The following SLC5A8 variants were observed in gnomAD, a reference collection of about 807,000 sequenced individuals.
SLC5A8 encodes solute carrier family 5 member 8.
A neutral mutation model predicts 71.9 loss-of-function variants in SLC5A8; 55 were observed. That is an observed-to-expected ratio of 0.77 (90% CI 0.62 to 0.96). SLC5A8 has a LOEUF of 0.96. Among genes scored for constraint, SLC5A8 ranks in the 40% least tolerant of loss-of-function variants. The pLI, the probability that SLC5A8 is intolerant of heterozygous loss-of-function variation, is 0.00. For missense variants in SLC5A8, 701 were observed against 745.3 expected (o/e 0.94, Z 0.69); for synonymous variants, 307 against 276.1 (o/e 1.11, Z -1.11).
chr12:101,191,100 G>A (rs1047024599), intron 5 of SLC5A8, among the ~76,000 whole-genome samples: 1 of 152,116 alleles, frequency 6.6e-6, no homozygotes, highest in Non-Finnish European at 1.5e-5. Context: ...CAACAAATCA[G>A]TCAATTAATG....
Position 101,158,335 on chromosome 12 carries a change from A to G in SLC5A8, c.1631-7T>C. On this transcript the variant is annotated splice_polypyrimidine_tract_variant and splice_region_variant and intron_variant, in intron 13 of 14. Transcript: ENST00000536262. Reference sequence around the variant, plus strand: ...AAGTTCTGTTTTCTTCCTCCTGGAAAAAAAAATGTACATGACTTACGTTGT... The same window carrying G: ...AAGTTCTGTTTTCTTCCTCCTGGAAGAAAAAATGTACATGACTTACGTTGT... The G allele has an allele frequency of 6.4e-7, 1 of 1,559,226 alleles. No homozygotes were observed. Among genetic ancestry groups the G allele is most frequent in the Non-Finnish European group, 8.8e-7 (1 of 1,140,080 alleles).
intron 2 of SLC5A8, among the ~76,000 whole-genome samples, chr12:101,202,507 C>G (rs1869498906): frequency 6.6e-6 from 1 of 151,828 alleles, no homozygotes; most frequent in Non-Finnish European, 1.5e-5. Context: ...TCCACCAACT[C>G]AAGCTTGAAA....
intron 1 of SLC5A8, 69 bp downstream of exon 1, chr12:101,209,429 C>A: frequency 8.0e-7 from 1 of 1,243,584 alleles, no homozygotes; most frequent in Non-Finnish European, 1.1e-6. Flanking sequence ...CCCAAGAAAA[C>A]GCCTCCAGAG....
chr12:101,208,174 G>T (rs1057367847), intron 1 of SLC5A8, among the ~76,000 whole-genome samples: 5 of 152,080 alleles, frequency 3.3e-5, no homozygotes, highest in Non-Finnish European at 7.3e-5. Context: ...GCAAACCTGA[G>T]AAACTGCATC....
At chr12:101,188,763 T>C (rs1457463533) in intron 6 of SLC5A8, among the ~76,000 whole-genome samples, 1 of 152,256 alleles carries the variant, frequency 6.6e-6, no homozygotes, top group Admixed American at 6.5e-5. Context: ...TTGAATTGAC[T>C]AACATTGCAG....
chr12:101,160,122 C>T (rs1028864817), intron 13 of SLC5A8, among the ~76,000 whole-genome samples: 1 of 152,152 alleles, frequency 6.6e-6, no homozygotes. Context: ...GCAGAGGTTA[C>T]AGTGAGCCAA....
At chr12:101,196,994 C>T (rs1429420090) in intron 3 of SLC5A8, among the ~76,000 whole-genome samples, 4 of 152,176 alleles carry the variant, frequency 2.6e-5, no homozygotes, top group Admixed American at 6.5e-5. Context: ...CTTAAGGGGG[C>T]TCCGGCTGGA....
At chr12:101,198,585 C>T (rs1229988380) in intron 3 of SLC5A8, among the ~76,000 whole-genome samples, 1 of 151,860 alleles carries the variant, frequency 6.6e-6, no homozygotes, top group Non-Finnish European at 1.5e-5. Flanking sequence ...ACTGACCCAA[C>T]AAGACTTTTA....
chr12:101,192,845 C>T (rs1868972605), intron 5 of SLC5A8, among the ~76,000 whole-genome samples: 1 of 150,940 alleles, frequency 6.6e-6, no homozygotes, highest in South Asian at 2.1e-4. Flanking sequence ...CTCAAAGTTG[C>T]TTAAAACAAA....
rs115702846 is a variant in SLC5A8, at chr12:101,198,064, A to G, written c.470-2902T>C. ...TCAAATATTGAAAATTAAGCAATAC[A>G]CTTATAAATAACCCATGGGCAAAAG... is the stretch of plus-strand genomic sequence containing the variant. On this transcript the variant is annotated intron_variant, in intron 3 of 14. Transcript: ENST00000536262. Among the ~76,000 whole-genome samples the G allele has an allele frequency of 7.5e-3, 1,148 of 152,164 alleles. 10 individuals are homozygous for G. The highest frequency in any genetic ancestry group is 0.021 in the African/African-American group (874 of 41,566).
chr12:101,166,286 T>C (rs1222507729), intron 12 of SLC5A8, among the ~76,000 whole-genome samples: 1 of 152,194 alleles, frequency 6.6e-6, no homozygotes, highest in South Asian at 2.1e-4. Flanking sequence ...CTTAGATCTG[T>C]AGACAAGGCA....
chr12:101,162,758 A>C (rs1266119363), intron 12 of SLC5A8, among the ~76,000 whole-genome samples: 2 of 152,242 alleles, frequency 1.3e-5, no homozygotes, highest in African/African-American at 4.8e-5. Flanking sequence ...GAAGGGAGAC[A>C]GGCAAGAGTT....
chr12:101,190,736 T>G (rs1868870442), intron 5 of SLC5A8, 128 bp from the exon 6 acceptor site: 9 of 644,562 alleles, frequency 1.4e-5, no homozygotes, highest in Non-Finnish European at 1.8e-5. Flanking sequence ...ATGTAAAAAT[T>G]TATTAATTAA....
chr12:101,159,514 C>A (rs1227639649), intron 13 of SLC5A8, among the ~76,000 whole-genome samples: 1 of 152,118 alleles, frequency 6.6e-6, no homozygotes, highest in Non-Finnish European at 1.5e-5. Context: ...TAGTATACTA[C>A]GATAGGTTTT....
intron 10 of SLC5A8, among the ~76,000 whole-genome samples, chr12:101,169,120 A>T (rs2051802257): frequency 6.6e-6 from 1 of 152,208 alleles, no homozygotes; most frequent in Non-Finnish European, 1.5e-5. Flanking sequence ...GTCAGTTTAC[A>T]CACAGTCCAG....
At chr12:101,198,697 A>G (rs1463471571) in intron 3 of SLC5A8, among the ~76,000 whole-genome samples, 1 of 151,970 alleles carries the variant, frequency 6.6e-6, no homozygotes, top group East Asian at 1.9e-4. Flanking sequence ...GGTGATTTCT[A>G]CCAAGCATGT....
At position 101,209,754 on chromosome 12, in the gene SLC5A8, T is replaced by C. The variant is rs372777653; in HGVS notation, c.95A>G (p.Tyr32Cys). The C allele has an allele frequency of 1.2e-6, 2 of 1,611,812 alleles. No homozygotes were observed. The highest frequency in any genetic ancestry group is 1.3e-5 in the African/African-American group (1 of 74,864). Residue 32 changes from tyrosine to cysteine, a missense_variant, in exon 1 of 15, where the codon TAC becomes TGC. Coordinates refer to ENST00000536262, the MANE Select transcript of SLC5A8 (RefSeq NM_145913.5). Reference protein sequence around the residue: ...LVISAAIGIYYAFAGGGQQTS... With the variant: ...LVISAAIGIYCAFAGGGQQTS... ...CTGCTGGCCGCCCCCAGCGAAGGCG[T>C]AGTAGATGCCGATGGCGGCCGAGAT...
intron 3 of SLC5A8, among the ~76,000 whole-genome samples, chr12:101,199,017 C>T (rs557797851): frequency 6.6e-6 from 1 of 151,970 alleles, no homozygotes; most frequent in South Asian, 2.1e-4. Flanking sequence ...CCTAAGGGAT[C>T]ACCAAAAATC....
At chr12:101,184,068 A>G in intron 8 of SLC5A8, 66 bp downstream of exon 8, 1 of 1,499,586 alleles carries the variant, frequency 6.7e-7, no homozygotes, top group Non-Finnish European at 9.2e-7. Context: ...ATCCCGCTAA[A>G]GTATCTAATA....
Sources: allele counts gnomAD v4.1 joint callset (sites outside exome capture counted in the v4.1 genomes callset), GRCh38; gene constraint gnomAD v4.1.1; transcripts MANE v1.5; gene names NCBI Gene and HGNC (gene_info 2026-07-23, HGNC 2026-07-21).